The following SPMIP3 variants were observed in gnomAD, a reference collection of about 807,000 sequenced individuals.
SPMIP3 encodes the protein sperm microtubule inner protein 3.
the SPMIP3 span, among the ~76,000 whole-genome samples, chr1:244,387,194 T>C: frequency 6.6e-6 from 1 of 151,824 alleles, no homozygotes; most frequent in Non-Finnish European, 1.5e-5. Flanking sequence ...CCCAGCTACT[T>C]GGCTGAGGCA....
chr1:244,359,506 G>A, the SPMIP3 span, among the ~76,000 whole-genome samples: 2 of 152,158 alleles, frequency 1.3e-5, no homozygotes, highest in African/African-American at 2.4e-5. Context: ...CAGATCACCT[G>A]AGGGCAAAAG....
chr1:244,367,310 AC>A, the SPMIP3 span, among the ~76,000 whole-genome samples: 16 of 152,204 alleles, frequency 1.1e-4, no homozygotes, highest in African/African-American at 3.9e-4. Flanking sequence ...GATCCGATTT[AC>A]TTTTATGAAG....
At chr1:244,381,800 ACT>A in the SPMIP3 span, among the ~76,000 whole-genome samples, 33 of 152,228 alleles carry the variant, frequency 2.2e-4, no homozygotes, top group East Asian at 6.4e-3. Context: ...GTGTGGTGGC[ACT>A]CACCTATAAT....
the SPMIP3 span, among the ~76,000 whole-genome samples, chr1:244,366,311 A>G: frequency 2.0e-5 from 3 of 152,050 alleles, no homozygotes; most frequent in Non-Finnish European, 4.4e-5. Context: ...CTGAGTAGCT[A>G]GGGCTACAAG....
chr1:244,384,778 C>T, the SPMIP3 span, among the ~76,000 whole-genome samples: 1 of 152,176 alleles, frequency 6.6e-6, no homozygotes, highest in African/African-American at 2.4e-5. Context: ...CAACAATAGG[C>T]TGGCAAAGGG....
the SPMIP3 span, among the ~76,000 whole-genome samples, chr1:244,379,254 A>G: frequency 7.4e-5 from 11 of 148,146 alleles, no homozygotes; most frequent in Non-Finnish European, 1.5e-4. Flanking sequence ...TAAATTAGAG[A>G]CATGGTCTCG....
the SPMIP3 span, among the ~76,000 whole-genome samples, chr1:244,385,113 G>A: frequency 6.6e-6 from 1 of 151,994 alleles, no homozygotes; most frequent in African/African-American, 2.4e-5. Context: ...TCATGGTCTC[G>A]AACTCCTGAC....
the SPMIP3 span, chr1:244,364,584 T>G: frequency 1.0e-6 from 1 of 959,554 alleles, no homozygotes; most frequent in Non-Finnish European, 1.7e-6. Context: ...GTCAAATATT[T>G]TTACTGATTT....
the SPMIP3 span, among the ~76,000 whole-genome samples, chr1:244,360,669 A>C: frequency 6.6e-6 from 1 of 152,132 alleles, no homozygotes; most frequent in African/African-American, 2.4e-5. Context: ...GGATCACCTG[A>C]GGTCAGGAGT....
At chr1:244,377,134 T>TA in the SPMIP3 span, among the ~76,000 whole-genome samples, 2 of 151,276 alleles carry the variant, frequency 1.3e-5, no homozygotes, top group Non-Finnish European at 2.9e-5. Flanking sequence ...TTTTTATTTT[T>TA]TTTTTTTGAG....
At chr1:244,380,681 T>C in the SPMIP3 span, among the ~76,000 whole-genome samples, 9 of 152,304 alleles carry the variant, frequency 5.9e-5, no homozygotes, top group East Asian at 1.7e-3. Flanking sequence ...CACCTGAGCG[T>C]CACCTGTACT....
chr1:244,362,946 C>T, the SPMIP3 span, among the ~76,000 whole-genome samples: 1 of 148,946 alleles, frequency 6.7e-6, no homozygotes, highest in African/African-American at 2.5e-5. Flanking sequence ...TGGGCTCAAG[C>T]GATCCTCCCG....
chr1:244,374,606 TTTTTTTTTG>T, the SPMIP3 span, among the ~76,000 whole-genome samples: 1 of 140,968 alleles, frequency 7.1e-6, no homozygotes, highest in African/African-American at 2.7e-5. Flanking sequence ...TTTTTTTTTT[TTTTTTTTTG>T]AGACAGGGTC....
At chr1:244,385,386 T>A in the SPMIP3 span, among the ~76,000 whole-genome samples, 1 of 152,216 alleles carries the variant, frequency 6.6e-6, no homozygotes, top group African/African-American at 2.4e-5. Context: ...TTAGGAAACA[T>A]TTTTTGGGCA....
chr1:244,373,852 G>A, the SPMIP3 span, among the ~76,000 whole-genome samples: 1 of 152,012 alleles, frequency 6.6e-6, no homozygotes, highest in African/African-American at 2.4e-5. Flanking sequence ...AGTGGCTCAT[G>A]CCTGTAATCC....
the SPMIP3 span, among the ~76,000 whole-genome samples, chr1:244,369,759 G>A: frequency 6.6e-6 from 1 of 152,184 alleles, no homozygotes; most frequent in Non-Finnish European, 1.5e-5. Context: ...AATGTGGGAA[G>A]AACTGGTTAG....
the SPMIP3 span, among the ~76,000 whole-genome samples, chr1:244,357,707 C>CAAAAAAAAA: frequency 2.1e-5 from 2 of 95,112 alleles, no homozygotes; most frequent in African/African-American, 8.3e-5. Flanking sequence ...GACTCCATCT[C>CAAAAAAAAA]AAAAAAAAAA....
At chr1:244,368,278 T>A in the SPMIP3 span, among the ~76,000 whole-genome samples, 1 of 152,162 alleles carries the variant, frequency 6.6e-6, no homozygotes, top group African/African-American at 2.4e-5. Context: ...TGTTTCTTTA[T>A]ATCCTGCCTG....
the SPMIP3 span, chr1:244,376,574 C>T: frequency 6.6e-6 from 1 of 151,992 alleles, no homozygotes; most frequent in Non-Finnish European, 1.5e-5. Context: ...AGAGATAATC[C>T]TGCAGAATCA....
Sources: gnomAD v4.1 joint callset for allele counts (sites outside exome capture counted in the v4.1 genomes callset) on GRCh38, gnomAD v4.1.1 for gene constraint, MANE v1.5 for transcripts, NCBI Gene and HGNC (gene_info 2026-07-23, HGNC 2026-07-21) for gene names.